The following GRAMD2B variants were observed in gnomAD, a reference collection of about 807,000 sequenced individuals.
The protein encoded by GRAMD2B is GRAM domain containing 2B.
GRAMD2B carries 41 observed loss-of-function variants against 59.2 expected under a neutral mutation model. That is an observed-to-expected ratio of 0.69 (90% CI 0.54 to 0.90). GRAMD2B has a LOEUF of 0.90. Among genes scored for constraint, GRAMD2B ranks in the 40% least tolerant of loss-of-function variants. The probability of loss-of-function intolerance (pLI) is 0.00; values close to 1 mark genes in which losing one functional copy is unlikely to be tolerated. For missense variants in GRAMD2B, 424 were observed against 500.5 expected (o/e 0.85, Z 1.46); for synonymous variants, 161 against 182.7 (o/e 0.88, Z 0.96).
intron 1 of GRAMD2B, among the ~76,000 whole-genome samples, chr5:126,429,021 G>C (rs746072729): frequency 6.6e-6 from 1 of 152,084 alleles, no homozygotes; most frequent in Admixed American, 6.5e-5. Flanking sequence ...ATTCAACTCA[G>C]CAATCCCTTT....
chr5:126,447,437 C>A (rs1029113561), intron 1 of GRAMD2B, among the ~76,000 whole-genome samples: 3 of 152,098 alleles, frequency 2.0e-5, no homozygotes, highest in African/African-American at 7.2e-5. Context: ...CCAAGGCGGG[C>A]AGATCATGAG....
intron 1 of GRAMD2B, among the ~76,000 whole-genome samples, chr5:126,405,136 T>C (rs1371955847): frequency 6.6e-6 from 1 of 151,692 alleles, no homozygotes; most frequent in Non-Finnish European, 1.5e-5. Context: ...GGATGCAGAA[T>C]AAGGTGAGGA....
intron 1 of GRAMD2B, among the ~76,000 whole-genome samples, chr5:126,430,322 T>C (rs1371493720): frequency 6.6e-6 from 1 of 152,230 alleles, no homozygotes; most frequent in Non-Finnish European, 1.5e-5. Context: ...GTATTTATAA[T>C]GGACATGATG....
Position 126,432,449 on chromosome 5 carries a change from A to C in GRAMD2B, c.83+8760A>C, listed in dbSNP as rs189512892. Among the ~76,000 whole-genome samples the C allele has an allele frequency of 3.9e-3, 592 of 152,330 alleles. 7 individuals are homozygous for C. The highest frequency in any genetic ancestry group is 0.014 in the African/African-American group (563 of 41,578). On this transcript the variant is annotated intron_variant, in intron 1 of 13. Transcript: ENST00000285689. ...GAAAGCAGTTGTGTTTCTACAAATG[A>C]TTCTGAAAGCTTTAGTGTGTATTGC...
At chr5:126,363,307 C>CA (rs979068029) in intron 1 of GRAMD2B, among the ~76,000 whole-genome samples, 22 of 144,736 alleles carry the variant, frequency 1.5e-4, no homozygotes, top group African/African-American at 3.0e-4. Flanking sequence ...ATATCAAAAA[C>CA]AAAAAAAAAA....
chr5:126,377,061 T>C (rs923325269), intron 1 of GRAMD2B, among the ~76,000 whole-genome samples: 5 of 150,396 alleles, frequency 3.3e-5, no homozygotes, highest in Middle Eastern at 3.2e-3. Flanking sequence ...GGACCTCTGG[T>C]CTCTTTCCCA....
At chr5:126,408,911 T>C (rs1349577217) in intron 1 of GRAMD2B, among the ~76,000 whole-genome samples, 4 of 144,454 alleles carry the variant, frequency 2.8e-5, no homozygotes, top group African/African-American at 1.0e-4. Context: ...CATTGTTCAA[T>C]TCCCACCTAT....
chr5:126,437,457 G>A (rs1281954718), intron 1 of GRAMD2B, among the ~76,000 whole-genome samples: 1 of 152,178 alleles, frequency 6.6e-6, no homozygotes, highest in African/African-American at 2.4e-5. Flanking sequence ...GTGGGATAGA[G>A]TTTAGAGCTA....
intron 1 of GRAMD2B, among the ~76,000 whole-genome samples, chr5:126,447,057 C>T (rs756774362): frequency 6.6e-6 from 1 of 152,170 alleles, no homozygotes; most frequent in Non-Finnish European, 1.5e-5. Flanking sequence ...CACCTAGTTT[C>T]GTGGGAAGAA....
At chr5:126,466,449 G>A (rs1397221311) in intron 2 of GRAMD2B, 11 of 674,650 alleles carry the variant, frequency 1.6e-5, no homozygotes, top group African/African-American at 3.7e-5. Flanking sequence ...TTTTCCAGTC[G>A]GAGTCTCGCT....
chr5:126,437,050 T>G (rs937214875), intron 1 of GRAMD2B, among the ~76,000 whole-genome samples: 4 of 152,176 alleles, frequency 2.6e-5, no homozygotes, highest in African/African-American at 9.7e-5. Context: ...AGGACATGTT[T>G]TTGTGATGAG....
Position 126,460,725 on chromosome 5 carries a change from G to A in GRAMD2B, c.84-4701G>A, listed in dbSNP as rs58836475. Among the ~76,000 whole-genome samples the A allele has an allele frequency of 1.3e-3, 204 of 152,236 alleles. 1 individual carries two copies. The highest frequency in any genetic ancestry group is 4.7e-3 in the African/African-American group (196 of 41,536). ...AATAGGCAGCACTCCAAAAACAAGCGTCTATGAGGCCCCAGATCTTGGTGA... is the reference window on the plus strand; with the variant it reads ...AATAGGCAGCACTCCAAAAACAAGCATCTATGAGGCCCCAGATCTTGGTGA... On this transcript the variant is annotated intron_variant, in intron 1 of 13. Transcript: ENST00000285689.
At position 126,427,636 on chromosome 5, in the gene GRAMD2B, A is replaced by G. The variant is rs181958296; in HGVS notation, c.83+3947A>G. On this transcript the variant is annotated intron_variant, in intron 1 of 13. Coordinates refer to ENST00000285689, the MANE Select transcript of GRAMD2B (RefSeq NM_023927.4). ...TCAATAAAGGTTGGTTATTTTTAGT[A>G]TATATTTTTACTTAAAATAGTGAAT... Among the ~76,000 whole-genome samples, 715 of 152,344 alleles carry G rather than the reference A, an allele frequency of 4.7e-3. 4 individuals carry two copies. The highest frequency in any genetic ancestry group is 6.0e-3 in the Non-Finnish European group (405 of 68,018).
At chr5:126,427,472 A>G (rs1760810284) in intron 1 of GRAMD2B, among the ~76,000 whole-genome samples, 1 of 152,198 alleles carries the variant, frequency 6.6e-6, no homozygotes, top group African/African-American at 2.4e-5. Context: ...TCAAATTGCA[A>G]TTTGAATTTT....
upstream of GRAMD2B, among the ~76,000 whole-genome samples, chr5:126,366,846 CTTT>C (rs59718576): frequency 6.9e-4 from 74 of 107,716 alleles, no homozygotes; most frequent in African/African-American, 1.9e-3. Context: ...CAGACCAAGG[CTTT>C]TTTTTTTTTT....
At chr5:126,423,756 G>C in intron 1 of GRAMD2B, 67 bp downstream of exon 1, 1 of 1,491,648 alleles carries the variant, frequency 6.7e-7, no homozygotes, top group Admixed American at 2.5e-5. Flanking sequence ...TCTCTGCCCC[G>C]GGACGCATTT....
upstream of GRAMD2B, among the ~76,000 whole-genome samples, chr5:126,366,908 G>T (rs1185946955): frequency 1.4e-5 from 2 of 138,592 alleles, no homozygotes; most frequent in African/African-American, 5.4e-5. Flanking sequence ...AAGCTGGAGT[G>T]CAGTGGCGCG....
chr5:126,419,884 G>A (rs1256944312), upstream of GRAMD2B, among the ~76,000 whole-genome samples: 1 of 151,730 alleles, frequency 6.6e-6, no homozygotes, highest in Non-Finnish European at 1.5e-5. Flanking sequence ...GTGAAACCCC[G>A]TCTCCACTAA....
intron 1 of GRAMD2B, among the ~76,000 whole-genome samples, chr5:126,426,184 T>C (rs1212380394): frequency 6.6e-6 from 1 of 152,038 alleles, no homozygotes; most frequent in African/African-American, 2.4e-5. Context: ...ATATTTCTTA[T>C]AAAATTCAAA....
Sources: gnomAD v4.1 joint callset for allele counts (sites outside exome capture counted in the v4.1 genomes callset) on GRCh38, gnomAD v4.1.1 for gene constraint, MANE v1.5 for transcripts, NCBI Gene and HGNC (gene_info 2026-07-23, HGNC 2026-07-21) for gene names.